ZMYM2: variants seen among roughly 807,000 people sequenced by gnomAD.
ZMYM2 encodes the protein zinc finger MYM-type containing 2.
ZMYM2 carries 56 observed loss-of-function variants against 162.8 expected under a neutral mutation model. That is an observed-to-expected ratio of 0.34 (90% CI 0.28 to 0.43). The LOEUF (loss-of-function observed/expected upper bound fraction) is 0.43. Among genes scored for constraint, ZMYM2 ranks in the 20% least tolerant of loss-of-function variants. ZMYM2 has a pLI of 1.00. For synonymous variants in ZMYM2, 510 were observed against 541.6 expected, an observed-to-expected ratio of 0.94 and a Z score of 0.81; for missense variants, 1,275 against 1,621.8, an observed-to-expected ratio of 0.79 and a Z score of 3.67.
intron 21 of ZMYM2, among the ~76,000 whole-genome samples, chr13:20,079,434 C>CTA (rs1448456085): frequency 6.9e-6 from 1 of 144,452 alleles, no homozygotes; most frequent in African/African-American, 2.5e-5. Context: ...CCTATTCTAT[C>CTA]TATAAGTTGC....
Position 20,083,653 on chromosome 13 carries a change from A to T in ZMYM2, c.3821-3A>T. On this transcript the variant is annotated splice_polypyrimidine_tract_variant and splice_region_variant and intron_variant, in intron 23 of 24. Transcript: ENST00000610343. Reference sequence around the variant, plus strand: ...GAGGTTTATTTCACTTTTATTTTTTAAGATAAAATTACTACTGGAAAAAGA... The same window carrying T: ...GAGGTTTATTTCACTTTTATTTTTTTAGATAAAATTACTACTGGAAAAAGA... 1 of 1,501,432 alleles carries T rather than the reference A, an allele frequency of 6.7e-7. No individual in the cohort carries two copies. The allele number at this position is 1,501,432 out of a possible 1,614,324, so 93.0% of individuals were successfully genotyped here.
the ZMYM2 span, among the ~76,000 whole-genome samples, chr13:19,920,241 T>C: frequency 6.6e-6 from 1 of 152,200 alleles, no homozygotes; most frequent in African/African-American, 2.4e-5. Flanking sequence ...ATAGTAAATA[T>C]TGTAGGCTTG....
At chr13:19,984,246 G>GT (rs1047070874) in intron 2 of ZMYM2, among the ~76,000 whole-genome samples, 5 of 152,084 alleles carry the variant, frequency 3.3e-5, no homozygotes, top group Non-Finnish European at 7.4e-5. Context: ...CCTTTTCATT[G>GT]TTTTTTCATG....
At chr13:19,962,767 G>A (rs995696385) in intron 2 of ZMYM2, among the ~76,000 whole-genome samples, 2 of 149,214 alleles carry the variant, frequency 1.3e-5, no homozygotes, top group East Asian at 2.0e-4. Flanking sequence ...CAAGTTATTC[G>A]CCTGCCTCAG....
At chr13:20,042,258 T>C (rs995673166) in intron 12 of ZMYM2, among the ~76,000 whole-genome samples, 2 of 152,190 alleles carry the variant, frequency 1.3e-5, no homozygotes, top group African/African-American at 4.8e-5. Context: ...GCTCGTTCCT[T>C]TTTATTCTTT....
chr13:19,903,483 C>CAAA, the ZMYM2 span, among the ~76,000 whole-genome samples: 17 of 83,722 alleles, frequency 2.0e-4, no homozygotes, highest in East Asian at 3.5e-4. Flanking sequence ...ACTAAAAATA[C>CAAA]AAAAAAAAAA....
chr13:20,029,588 C>T (rs1952892395), intron 9 of ZMYM2, among the ~76,000 whole-genome samples: 1 of 152,052 alleles, frequency 6.6e-6, no homozygotes, highest in South Asian at 2.1e-4. Context: ...ACAGTGTATG[C>T]AGAAGTTTTA....
intron 21 of ZMYM2, among the ~76,000 whole-genome samples, chr13:20,077,757 A>T (rs1957608722): frequency 6.6e-6 from 1 of 152,116 alleles, no homozygotes; most frequent in Non-Finnish European, 1.5e-5. Context: ...GGTAAGTAAG[A>T]GTCATACCAC....
At chr13:20,063,800 A>T (rs1471257070) in intron 18 of ZMYM2, among the ~76,000 whole-genome samples, 3 of 146,940 alleles carry the variant, frequency 2.0e-5, no homozygotes, top group African/African-American at 7.4e-5. Flanking sequence ...ATATATAAAA[A>T]ATATATAATA....
chr13:19,883,407 C>T, the ZMYM2 span, among the ~76,000 whole-genome samples: 1 of 152,044 alleles, frequency 6.6e-6, no homozygotes, highest in Non-Finnish European at 1.5e-5. Context: ...TGAATTTCAC[C>T]TTAATTTTTT....
At chr13:19,918,167 G>T in the ZMYM2 span, among the ~76,000 whole-genome samples, 3 of 151,998 alleles carry the variant, frequency 2.0e-5, no homozygotes, top group African/African-American at 7.2e-5. Context: ...TTTATTGGCC[G>T]CATGTAGTGG....
the ZMYM2 span, among the ~76,000 whole-genome samples, chr13:19,902,533 T>C: frequency 1.3e-5 from 2 of 152,102 alleles, no homozygotes; most frequent in Non-Finnish European, 2.9e-5. Context: ...GGAGAATTGC[T>C]TGAACCCGGG....
intron 2 of ZMYM2, among the ~76,000 whole-genome samples, chr13:19,982,708 T>C (rs1957462681): frequency 6.6e-6 from 1 of 152,234 alleles, no homozygotes; most frequent in African/African-American, 2.4e-5. Flanking sequence ...CAAATTGTTA[T>C]GTTGATGAAG....
At chr13:20,079,990 A>C (rs1957804529) in intron 21 of ZMYM2, among the ~76,000 whole-genome samples, 1 of 152,210 alleles carries the variant, frequency 6.6e-6, no homozygotes. Flanking sequence ...GTAATACCCA[A>C]CTAAGTTTGT....
the ZMYM2 span, among the ~76,000 whole-genome samples, chr13:19,886,526 C>T: frequency 1.1e-4 from 17 of 151,890 alleles, no homozygotes; most frequent in African/African-American, 2.9e-4. Flanking sequence ...GTCTTCTAAG[C>T]GTGGAGCCCT....
intron 9 of ZMYM2, among the ~76,000 whole-genome samples, chr13:20,030,880 G>C (rs760041723): frequency 2.6e-5 from 4 of 152,176 alleles, no homozygotes; most frequent in Non-Finnish European, 5.9e-5. Context: ...AATTATAGTA[G>C]GGATGCAGTG....
chr13:20,044,258 T>C (rs1320187449), intron 12 of ZMYM2, among the ~76,000 whole-genome samples: 3 of 152,166 alleles, frequency 2.0e-5, no homozygotes, highest in African/African-American at 7.2e-5. Flanking sequence ...CCCTGCCAAC[T>C]CAAGTGTCCC....
At chr13:20,052,139 G>A (rs1955415414) in intron 13 of ZMYM2, 138 bp from the exon 14 acceptor site, 7 of 692,832 alleles carry the variant, frequency 1.0e-5, no homozygotes, top group Non-Finnish European at 1.6e-5. Context: ...ATACAAATTT[G>A]AAATTCTTTC....
intron 2 of ZMYM2, among the ~76,000 whole-genome samples, chr13:19,967,708 A>G (rs911824105): frequency 9.2e-5 from 14 of 152,234 alleles, no homozygotes; most frequent in African/African-American, 3.4e-4. Flanking sequence ...TTAACAAATG[A>G]GTATGGTAAT....
Sources: allele counts gnomAD v4.1 joint callset (sites outside exome capture counted in the v4.1 genomes callset), GRCh38; gene constraint gnomAD v4.1.1; transcripts MANE v1.5; gene names NCBI Gene and HGNC (gene_info 2026-07-23, HGNC 2026-07-21).